The following EEFSEC variants were observed in gnomAD, a reference collection of about 807,000 sequenced individuals.
EEFSEC encodes the protein eukaryotic elongation factor, selenocysteine-tRNA specific.
EEFSEC carries 43 observed loss-of-function variants against 42.1 expected under a neutral mutation model. The observed-to-expected ratio is 1.02, with a 90% CI of 0.80 to 1.32. The LOEUF (loss-of-function observed/expected upper bound fraction) is 1.32. Ranked by LOEUF, EEFSEC falls within the 40% of genes most tolerant of loss-of-function variation. The pLI is 0.00. For synonymous variants in EEFSEC, 354 were observed against 339.1 expected (o/e 1.04, Z -0.48); for missense variants, 745 against 803.6 (o/e 0.93, Z 0.88).
intron 6 of EEFSEC, among the ~76,000 whole-genome samples, chr3:128,360,733 G>A (rs1215894588): frequency 6.6e-6 from 1 of 152,000 alleles, no homozygotes; most frequent in East Asian, 1.9e-4. Flanking sequence ...TGCTGGGGTG[G>A]GAGTGGAGGG....
chr3:128,275,190 G>A (rs2066455534), intron 4 of EEFSEC, among the ~76,000 whole-genome samples: 1 of 152,210 alleles, frequency 6.6e-6, no homozygotes, highest in African/African-American at 2.4e-5. Context: ...CCTGGGAAAT[G>A]GGTGCCCAGC....
intron 1 of EEFSEC, among the ~76,000 whole-genome samples, chr3:128,185,437 A>G (rs2065455871): frequency 6.6e-6 from 1 of 151,540 alleles, no homozygotes; most frequent in Admixed American, 6.6e-5. Flanking sequence ...TTTTTTAGAA[A>G]CTTTTTTTTT....
rs140695277 is a variant in EEFSEC at position 128,286,016 on chromosome 3, C to T, written c.786+21235C>T. Among the ~76,000 whole-genome samples, 192 of 152,344 alleles carry T rather than the reference C, an allele frequency of 1.3e-3. 2 individuals are homozygous for T. The highest frequency in any genetic ancestry group is 0.01 in the Middle Eastern group (3 of 294). ...TCTCCCACATGGGTTTGTAGTCATG[C>T]ATGTGTGTACAGCATTGTTTGCTCT... is the stretch of plus-strand genomic sequence containing the variant. On this transcript the variant is annotated intron_variant, in intron 4 of 6. Transcript: ENST00000254730.
At chr3:128,425,641 C>T in the EEFSEC span, among the ~76,000 whole-genome samples, 1 of 152,260 alleles carries the variant, frequency 6.6e-6, no homozygotes, top group Non-Finnish European at 1.5e-5. Context: ...TCCCATCGGG[C>T]ACCCACCCAG....
At chr3:128,364,078 G>C (rs1559941412) in intron 6 of EEFSEC, among the ~76,000 whole-genome samples, 1 of 152,142 alleles carries the variant, frequency 6.6e-6, no homozygotes, top group African/African-American at 2.4e-5. Context: ...CAAGAGAATT[G>C]CTTGAAGCCA....
the EEFSEC span, among the ~76,000 whole-genome samples, chr3:128,418,847 C>T: frequency 6.6e-6 from 1 of 152,198 alleles, no homozygotes; most frequent in South Asian, 2.1e-4. Context: ...CTCAACTTAT[C>T]AGTTGCTATT....
chr3:128,299,917 G>C (rs1344157250), intron 4 of EEFSEC, among the ~76,000 whole-genome samples: 1 of 152,222 alleles, frequency 6.6e-6, no homozygotes, highest in African/African-American at 2.4e-5. Flanking sequence ...AAGTCCTGGG[G>C]TGGTTCCTGT....
At chr3:128,272,454 C>T (rs551621847) in intron 4 of EEFSEC, among the ~76,000 whole-genome samples, 9 of 152,290 alleles carry the variant, frequency 5.9e-5, no homozygotes, top group Non-Finnish European at 7.4e-5. Flanking sequence ...AGGGGCTGAA[C>T]GGCCACCTTA....
At chr3:128,297,089 T>C (rs2066714564) in intron 4 of EEFSEC, among the ~76,000 whole-genome samples, 1 of 152,016 alleles carries the variant, frequency 6.6e-6, no homozygotes, top group African/African-American at 2.4e-5. Flanking sequence ...CTGGCCTCCG[T>C]CCTCTTGGGA....
the EEFSEC span, among the ~76,000 whole-genome samples, chr3:128,425,401 C>T: frequency 6.6e-6 from 1 of 152,190 alleles, no homozygotes; most frequent in Non-Finnish European, 1.5e-5. Context: ...ATGGATTCAC[C>T]TGCGGAAGGA....
chr3:128,231,116 C>T (rs989470230), intron 1 of EEFSEC, among the ~76,000 whole-genome samples: 10 of 152,072 alleles, frequency 6.6e-5, no homozygotes, highest in African/African-American at 2.4e-4. Context: ...CCCCCTCACT[C>T]ATTTTAGTGA....
chr3:128,170,360 GA>G (rs1480888219), intron 1 of EEFSEC, among the ~76,000 whole-genome samples: 1 of 152,116 alleles, frequency 6.6e-6, no homozygotes, highest in Non-Finnish European at 1.5e-5. Flanking sequence ...GCAGGAGTTC[GA>G]GACCAGCCTA....
At chr3:128,328,735 C>A (rs2067092410) in intron 4 of EEFSEC, among the ~76,000 whole-genome samples, 1 of 152,182 alleles carries the variant, frequency 6.6e-6, no homozygotes, top group African/African-American at 2.4e-5. Flanking sequence ...GGGCTCCGAG[C>A]CTTGTATCCA....
In EEFSEC at chr3:128,248,806, T is replaced by C. The variant is rs545704312; in HGVS notation, c.524+1763T>C. On this transcript the variant is annotated intron_variant, in intron 2 of 6. Transcript: ENST00000254730. ...ATTAATAGTAATAGTTTTGATTAAA[T>C]TTAAGGAAAATTCTCATTTGCTTGT... Among the ~76,000 whole-genome samples, 29 of 152,334 alleles carry C rather than the reference T, an allele frequency of 1.9e-4. No individual in the cohort carries two copies. In the South Asian group the frequency reaches 3.5e-3, roughly 19 times the overall value.
intron 1 of EEFSEC, among the ~76,000 whole-genome samples, chr3:128,170,736 C>G (rs1172224932): frequency 6.6e-6 from 1 of 152,094 alleles, no homozygotes; most frequent in African/African-American, 2.4e-5. Context: ...GCAAAGATTT[C>G]CTAGATAAAA....
At chr3:128,426,114 T>A in the EEFSEC span, among the ~76,000 whole-genome samples, 1 of 152,108 alleles carries the variant, frequency 6.6e-6, no homozygotes, top group African/African-American at 2.4e-5. Context: ...GCAGAGCCAC[T>A]CAGGTTCAGA....
intron 4 of EEFSEC, among the ~76,000 whole-genome samples, chr3:128,287,867 G>A (rs762322498): frequency 3.9e-5 from 6 of 152,150 alleles, no homozygotes; most frequent in African/African-American, 1.2e-4. Flanking sequence ...TAGTCTATGT[G>A]CATTCAAGCA....
intron 1 of EEFSEC, among the ~76,000 whole-genome samples, chr3:128,201,348 G>A (rs2065641831): frequency 6.6e-6 from 1 of 151,694 alleles, no homozygotes; most frequent in Non-Finnish European, 1.5e-5. Flanking sequence ...GATGGGAAGT[G>A]AGGCATCTCT....
intron 1 of EEFSEC, among the ~76,000 whole-genome samples, chr3:128,189,518 A>G (rs1160953059): frequency 6.7e-6 from 1 of 149,796 alleles, no homozygotes; most frequent in Non-Finnish European, 1.5e-5. Flanking sequence ...ACTATACTAG[A>G]CTTGTTATTA....
Sources: gnomAD v4.1 joint callset for allele counts (sites outside exome capture counted in the v4.1 genomes callset) on GRCh38, gnomAD v4.1.1 for gene constraint, MANE v1.5 for transcripts, NCBI Gene and HGNC (gene_info 2026-07-23, HGNC 2026-07-21) for gene names.